The following GMDS variants were observed in gnomAD, a reference collection of about 807,000 sequenced individuals.
GMDS encodes the protein GDP-mannose 4,6 dehydratase.
In GMDS, 20 loss-of-function variants were observed where a neutral mutation model predicts 49.9. The observed-to-expected ratio is 0.40, with a 90% CI of 0.28 to 0.58. The LOEUF (loss-of-function observed/expected upper bound fraction) is 0.58, where lower values mean the gene tolerates loss of function less well. Ranked by LOEUF, GMDS falls within the 20% of genes least tolerant of loss-of-function variation. The probability of loss-of-function intolerance (pLI) is 0.42; values close to 1 mark genes in which losing one functional copy is unlikely to be tolerated. For synonymous variants in GMDS, 177 were observed against 178.6 expected (o/e 0.99, Z 0.07); for missense variants, 362 against 481.4 (o/e 0.75, Z 2.32).
intron 4 of GMDS, among the ~76,000 whole-genome samples, chr6:2,078,513 T>A (rs1402984138): frequency 6.6e-6 from 1 of 152,098 alleles, no homozygotes; most frequent in Non-Finnish European, 1.5e-5. Flanking sequence ...CTTCTTAATT[T>A]CTTAATTGAT....
intron 9 of GMDS, among the ~76,000 whole-genome samples, chr6:1,630,738 G>A (rs1217746331): frequency 2.0e-5 from 3 of 152,156 alleles, no homozygotes; most frequent in African/African-American, 4.8e-5. Context: ...AATTGCAATC[G>A]TGGAGTTAAT....
In GMDS at chr6:1,999,983, T is replaced by TTA. The variant is rs1182280606; in HGVS notation, c.346-39019_346-39018dup. On this transcript the variant is annotated intron_variant, in intron 4 of 10. Transcript: ENST00000380815. ...ATTATATATATATTATATATATATT[T>TTA]TATATATATATATTATATATATATA... Among the ~76,000 whole-genome samples, 49 of 15,206 alleles carry TTA rather than the reference T, an allele frequency of 3.2e-3. 10 individuals are homozygous for TTA. Among genetic ancestry groups the TTA allele is most frequent in the African/African-American group, 0.012 (47 of 3,906 alleles). The allele number at this position is 15,206 out of a possible 152,430, so 10.0% of individuals were successfully genotyped here.
intron 1 of GMDS, among the ~76,000 whole-genome samples, chr6:2,141,151 T>A (rs1197259082): frequency 6.6e-6 from 1 of 152,088 alleles, no homozygotes; most frequent in African/African-American, 2.4e-5. Flanking sequence ...AACGGTTCAA[T>A]AAAAGTCAAA....
intron 4 of GMDS, among the ~76,000 whole-genome samples, chr6:1,977,491 C>T (rs1369379486): frequency 1.3e-5 from 2 of 152,172 alleles, no homozygotes; most frequent in Non-Finnish European, 2.9e-5. Context: ...CAATTAGAAG[C>T]AGCTGCAGTC....
chr6:2,136,993 G>A (rs1041117076), intron 1 of GMDS, among the ~76,000 whole-genome samples: 13 of 151,676 alleles, frequency 8.6e-5, no homozygotes, highest in African/African-American at 3.1e-4. Flanking sequence ...TTCAAGTTAA[G>A]TAAGCTAATT....
chr6:1,915,142 T>G (rs973798051), intron 7 of GMDS, among the ~76,000 whole-genome samples: 11 of 152,234 alleles, frequency 7.2e-5, no homozygotes, highest in African/African-American at 2.7e-4. Context: ...GGTTTTGCTT[T>G]TCCCATAAAG....
intron 9 of GMDS, among the ~76,000 whole-genome samples, chr6:1,697,568 G>A (rs1765388511): frequency 6.6e-6 from 1 of 152,204 alleles, no homozygotes; most frequent in Admixed American, 6.5e-5. Flanking sequence ...CTGAACCAAT[G>A]GTTCTCAAAG....
chr6:1,923,794 C>G (rs1240622771), intron 7 of GMDS, among the ~76,000 whole-genome samples: 1 of 152,212 alleles, frequency 6.6e-6, no homozygotes, highest in Non-Finnish European at 1.5e-5. Context: ...GTTTAAATGA[C>G]GTCTCTTCCT....
intron 7 of GMDS, among the ~76,000 whole-genome samples, chr6:1,768,053 A>T (rs576520809): frequency 3.0e-4 from 45 of 152,322 alleles, no homozygotes; most frequent in African/African-American, 1.1e-3. Flanking sequence ...GTGTTAAAAT[A>T]GGTATTTAGC....
At chr6:1,882,607 G>GA (rs1404930842) in intron 7 of GMDS, among the ~76,000 whole-genome samples, 2 of 152,040 alleles carry the variant, frequency 1.3e-5, no homozygotes, top group Non-Finnish European at 2.9e-5. Context: ...AAAGAAAAAA[G>GA]AAAAAAATCC....
intron 7 of GMDS, among the ~76,000 whole-genome samples, chr6:1,804,935 C>G (rs1197016238): frequency 6.6e-6 from 1 of 152,090 alleles, no homozygotes; most frequent in Admixed American, 6.5e-5. Context: ...TGCCTTCGTT[C>G]GAGGAAAAAC....
At chr6:1,670,069 T>C (rs1764368703) in intron 9 of GMDS, among the ~76,000 whole-genome samples, 1 of 151,526 alleles carries the variant, frequency 6.6e-6, no homozygotes, top group African/African-American at 2.4e-5. Flanking sequence ...CGAGGGGAGA[T>C]CTTGCACACT....
At chr6:2,166,887 C>T (rs2127550839) in intron 1 of GMDS, among the ~76,000 whole-genome samples, 1 of 152,346 alleles carries the variant, frequency 6.6e-6, no homozygotes, top group Non-Finnish European at 1.5e-5. Flanking sequence ...CCTTCCTCAT[C>T]AGCCAAGATC....
chr6:1,747,066 T>C (rs1767527170), intron 7 of GMDS, among the ~76,000 whole-genome samples: 2 of 151,974 alleles, frequency 1.3e-5, no homozygotes, highest in African/African-American at 4.8e-5. Context: ...ATTTGGTAAT[T>C]TGAGGGGTGG....
chr6:2,117,760 C>G (rs1774925745), intron 2 of GMDS, among the ~76,000 whole-genome samples: 1 of 152,216 alleles, frequency 6.6e-6, no homozygotes, highest in Non-Finnish European at 1.5e-5. Flanking sequence ...ATTTTACTGC[C>G]AATCTCAACA....
intron 7 of GMDS, among the ~76,000 whole-genome samples, chr6:1,832,591 G>A (rs1250372909): frequency 6.6e-6 from 1 of 152,004 alleles, no homozygotes; most frequent in Admixed American, 6.6e-5. Context: ...CGGACTCACT[G>A]GATGTTCAGG....
At chr6:1,686,419 T>C (rs909991587) in intron 9 of GMDS, among the ~76,000 whole-genome samples, 4 of 152,302 alleles carry the variant, frequency 2.6e-5, no homozygotes, top group Non-Finnish European at 4.4e-5. Context: ...GGAGAGGGTG[T>C]GGGGGGAAGC....
At chr6:1,711,545 G>C (rs1305320232) in intron 9 of GMDS, among the ~76,000 whole-genome samples, 3 of 152,212 alleles carry the variant, frequency 2.0e-5, no homozygotes, top group Admixed American at 1.3e-4. Flanking sequence ...AAACACATGG[G>C]TGGGAAATAA....
intron 9 of GMDS, among the ~76,000 whole-genome samples, chr6:1,638,638 T>A (rs1399107806): frequency 6.6e-6 from 1 of 151,962 alleles, no homozygotes; most frequent in Non-Finnish European, 1.5e-5. Context: ...CAGAGCCACC[T>A]GACATGGGAA....
Sources: gnomAD v4.1 joint callset for allele counts (sites outside exome capture counted in the v4.1 genomes callset) on GRCh38, gnomAD v4.1.1 for gene constraint, MANE v1.5 for transcripts, NCBI Gene and HGNC (gene_info 2026-07-23, HGNC 2026-07-21) for gene names.